The following SNTN variants were observed in gnomAD, a reference collection of about 807,000 sequenced individuals.
The protein encoded by SNTN is sentan.
SNTN carries 13 observed loss-of-function variants against 12.3 expected under a neutral mutation model. The ratio of observed to expected loss-of-function variants is 1.05; its 90% CI spans 0.69 to 1.67. SNTN has a LOEUF of 1.67. SNTN is among the 40% of genes most tolerant of loss of function. The pLI, the probability that SNTN is intolerant of heterozygous loss-of-function variation, is 0.00. For missense variants in SNTN, 189 were observed against 169.8 expected (o/e 1.11, Z -0.63); for synonymous variants, 69 against 58.5 (o/e 1.18, Z -0.82).
chr3:63,662,992 A>C (rs1700758133), intron 3 of SNTN, among the ~76,000 whole-genome samples: 1 of 152,180 alleles, frequency 6.6e-6, no homozygotes, highest in African/African-American at 2.4e-5. Context: ...TTTGATTTAT[A>C]ATCAAACTAA....
chr3:63,655,912 G>A (rs1221014324), intron 2 of SNTN, among the ~76,000 whole-genome samples: 1 of 152,210 alleles, frequency 6.6e-6, no homozygotes, highest in Admixed American at 6.5e-5. Context: ...AATGCAGGGT[G>A]AGTATATATT....
intron 2 of SNTN, among the ~76,000 whole-genome samples, chr3:63,656,055 AC>A (rs1700676412): frequency 6.6e-6 from 1 of 152,218 alleles, no homozygotes; most frequent in Non-Finnish European, 1.5e-5. Context: ...GCTTGAGCAA[AC>A]AACTTCTCTC....
At chr3:63,656,617 A>G (rs576876980) in intron 2 of SNTN, among the ~76,000 whole-genome samples, 2 of 152,362 alleles carry the variant, frequency 1.3e-5, no homozygotes, top group East Asian at 3.8e-4. Context: ...ACTTCTTTAA[A>G]GTGGCCATCT....
At chr3:63,657,411 G>A (rs1575749827) in intron 2 of SNTN, among the ~76,000 whole-genome samples, 2 of 152,156 alleles carry the variant, frequency 1.3e-5, no homozygotes, top group Non-Finnish European at 2.9e-5. Flanking sequence ...CCAACTCTGC[G>A]AGGCAGACAG....
intron 2 of SNTN, among the ~76,000 whole-genome samples, chr3:63,656,460 G>A (rs1700680399): frequency 6.6e-6 from 1 of 152,094 alleles, no homozygotes; most frequent in African/African-American, 2.4e-5. Flanking sequence ...ATTGAGATGT[G>A]TTAAGACTTA....
intron 1 of SNTN, among the ~76,000 whole-genome samples, chr3:63,653,945 A>G (rs1213559504): frequency 1.3e-5 from 2 of 152,144 alleles, no homozygotes; most frequent in Non-Finnish European, 2.9e-5. Context: ...TTCTTCAATC[A>G]TATGGTGATT....
chr3:63,661,761 T>C (rs1463323087), intron 3 of SNTN, among the ~76,000 whole-genome samples: 2 of 151,524 alleles, frequency 1.3e-5, no homozygotes, highest in Non-Finnish European at 2.9e-5. Flanking sequence ...GGTAAATAAA[T>C]CCTATACCAT....
intron 2 of SNTN, among the ~76,000 whole-genome samples, chr3:63,658,765 A>G (rs1052206936): frequency 1.3e-5 from 2 of 152,128 alleles, no homozygotes; most frequent in Non-Finnish European, 2.9e-5. Flanking sequence ...AGCACTCAAT[A>G]TGAAAATCAT....
At chr3:63,659,976 T>C (rs942227315) in intron 3 of SNTN, 112 bp downstream of exon 3, 2 of 1,281,016 alleles carry the variant, frequency 1.6e-6, no homozygotes, top group Non-Finnish European at 2.2e-6. Flanking sequence ...TAACAAATGT[T>C]TATTGAACAC....
At chr3:63,654,905 C>T in intron 2 of SNTN, 109 bp downstream of exon 2, 1 of 961,232 alleles carries the variant, frequency 1.0e-6, no homozygotes. Context: ...TGTAAGGGAA[C>T]TTTTGAATAA....
Position 63,654,752 on chromosome 3 carries a change from T to TGGA in SNTN, c.111-10_111-9insGGA. The TGGA allele has an allele frequency of 1.2e-6, 2 of 1,613,028 alleles. No homozygotes were observed. The highest frequency in any genetic ancestry group is 4.5e-5 in the East Asian group (2 of 44,856). On this transcript the variant is annotated splice_polypyrimidine_tract_variant and intron_variant, in intron 1 of 3. Transcript: ENST00000343837. ...CCAGAATCATTCTGTTTCTTTCATT[T>TGGA]TGTTGGCAGGATTTCAATATCCAAA...
chr3:63,657,882 C>T (rs554512028), intron 2 of SNTN, among the ~76,000 whole-genome samples: 4 of 152,332 alleles, frequency 2.6e-5, no homozygotes, highest in Non-Finnish European at 5.9e-5. Context: ...AGCCTGGGCA[C>T]TGCTCAGAGA....
intron 2 of SNTN, among the ~76,000 whole-genome samples, chr3:63,655,378 C>T (rs1404447347): frequency 6.6e-6 from 1 of 152,106 alleles, no homozygotes; most frequent in Non-Finnish European, 1.5e-5. Flanking sequence ...GAGTAACAAG[C>T]ACAGCTGTAC....
rs1700778701 is a variant in SNTN at position 63,664,376 on chromosome 3, C to T, written c.*281C>T. On this transcript the variant is annotated 3_prime_UTR_variant, in exon 4 of 4. Transcript: ENST00000343837. ...GTCAGTAGCGACCTAGAGCACTCTA[C>T]TTATAGTCATTGAGTCACTCATTTA... is the stretch of plus-strand genomic sequence containing the variant. 3.8e-6 allele frequency: 1 copy of T among 260,020 alleles called. No homozygotes were observed. Among genetic ancestry groups the T allele is most frequent in the Non-Finnish European group, 7.3e-6 (1 of 137,846 alleles). The allele number at this position is 260,020 out of a possible 1,614,324, so 16.1% of individuals were successfully genotyped here. A position where few individuals can be genotyped will look rare whatever the true frequency, so the allele number is the denominator to read the frequency against.
intron 2 of SNTN, among the ~76,000 whole-genome samples, chr3:63,655,985 G>A (rs1211030865): frequency 3.9e-5 from 6 of 152,078 alleles, no homozygotes; most frequent in Non-Finnish European, 4.4e-5. Flanking sequence ...GAAAATTACT[G>A]GCCTAAAAAG....
Position 63,664,519 on chromosome 3 carries a change from A to G in SNTN, c.*424A>G, listed in dbSNP as rs1413692124. 1 of 155,614 alleles carries G rather than the reference A, an allele frequency of 6.4e-6. No individual in the cohort carries two copies. Among genetic ancestry groups the G allele is most frequent in the Non-Finnish European group, 1.4e-5 (1 of 70,494 alleles). 9.6% of individuals were successfully genotyped at this position (155,614 alleles called of 1,614,324 possible). On this transcript the variant is annotated 3_prime_UTR_variant, in exon 4 of 4. Coordinates refer to ENST00000343837, the MANE Select transcript of SNTN (RefSeq NM_001080537.2). ...CAGAAGTCTAGCAGAAGAGATAGAC[A>G]TTGAACAATTTTTAAATAATTGCAT...
chr3:63,664,254 T>TA lies in SNTN; in HGVS notation c.*160dup, dbSNP rs565991814. 313 of 640,522 alleles carry TA rather than the reference T, an allele frequency of 4.9e-4. 4 individuals are homozygous for TA. The South Asian group carries it at 6.5e-3, about 13-fold the overall frequency. The allele number at this position is 640,522 out of a possible 1,614,324, so 39.7% of individuals were successfully genotyped here. On this transcript the variant is annotated 3_prime_UTR_variant, in exon 4 of 4. Coordinates refer to ENST00000343837, the MANE Select transcript of SNTN (RefSeq NM_001080537.2). Reference sequence around the variant, plus strand: ...CAGATCCAATGTAACTCCAAATATTTACCCATACACTTCAAGAATGTTTGA... The same window carrying TA: ...CAGATCCAATGTAACTCCAAATATTTAACCCATACACTTCAAGAATGTTTGA...
At chr3:63,656,252 G>C (rs892167357) in intron 2 of SNTN, among the ~76,000 whole-genome samples, 9 of 152,238 alleles carry the variant, frequency 5.9e-5, no homozygotes, top group Admixed American at 3.9e-4. Flanking sequence ...AAGAGGCAGA[G>C]GATTTTTCTG....
At chr3:63,663,568 C>T in intron 3 of SNTN, 1 of 199,532 alleles carries the variant, frequency 5.0e-6, no homozygotes, top group Middle Eastern at 1.1e-3. Context: ...AAATGAATGC[C>T]CTGCCTTGGG....
Sources: allele counts gnomAD v4.1 joint callset (sites outside exome capture counted in the v4.1 genomes callset), GRCh38; gene constraint gnomAD v4.1.1; transcripts MANE v1.5; gene names NCBI Gene and HGNC (gene_info 2026-07-23, HGNC 2026-07-21).